TRRAP: variants seen among roughly 807,000 people sequenced by gnomAD.
The protein encoded by TRRAP is transformation/transcription domain-associated protein.
A neutral mutation model predicts 438.8 loss-of-function variants in TRRAP; 41 were observed. The observed-to-expected ratio is 0.09, with a 90% CI of 0.07 to 0.12. TRRAP has a LOEUF of 0.12. Among genes scored for constraint, TRRAP ranks in the 10% least tolerant of loss-of-function variants. TRRAP has a pLI of 1.00. For synonymous variants in TRRAP, 1,994 were observed against 1,962.9 expected (o/e 1.02, Z -0.42); for missense variants, 3,122 against 5,055.1 (o/e 0.62, Z 11.60).
At chr7:98,894,201 A>G (rs782783607) in intron 6 of TRRAP, among the ~76,000 whole-genome samples, 10 of 152,220 alleles carry the variant, frequency 6.6e-5, no homozygotes, top group Admixed American at 6.5e-4. Flanking sequence ...CTGAAGCCAG[A>G]GCCGGGTTTG....
chr7:98,965,982 C>G, intron 49 of TRRAP, 87 bp downstream of exon 49: 1 of 1,479,576 alleles, frequency 6.8e-7, no homozygotes, highest in South Asian at 1.2e-5. Context: ...AAACTTGAAG[C>G]AAAACATTTT....
chr7:99,011,721 T>C lies in TRRAP; in HGVS notation c.11337+186T>C, dbSNP rs549172004. On this transcript the variant is annotated intron_variant, in intron 72 of 72. Transcript: ENST00000456197. This position sits in a 1 kb window ranked among gnomAD's most constrained non-coding sequence, Gnocchi z 7.1. ...TGGTTTTCTCTTTGGTTCACTCTTG[T>C]CTGTAGTGCTTGGAACGGGCCTGCC... is the stretch of plus-strand genomic sequence containing the variant. Among the ~76,000 whole-genome samples, 88 of 152,396 alleles carry C rather than the reference T, an allele frequency of 5.8e-4. No individual in the cohort carries two copies. The highest frequency in any genetic ancestry group is 7.9e-4 in the Non-Finnish European group (54 of 68,044).
At chr7:98,927,966 C>T (rs553682021) in intron 23 of TRRAP, among the ~76,000 whole-genome samples, 15 of 152,272 alleles carry the variant, frequency 9.9e-5, no homozygotes, top group South Asian at 2.1e-4. Context: ...TGGCCAGGCA[C>T]GGTGGCTCAC....
At chr7:98,965,996 C>T (rs1792135435) in intron 49 of TRRAP, 101 bp downstream of exon 49, 3 of 1,357,266 alleles carry the variant, frequency 2.2e-6, no homozygotes, top group Non-Finnish European at 3.1e-6. Context: ...ACATTTTTTT[C>T]TGCTGTAATT....
chr7:99,011,137 A>G lies in TRRAP; in HGVS notation c.11024A>G (p.Asn3675Ser), dbSNP rs772899911. 7 of 1,613,946 alleles carry G rather than the reference A, an allele frequency of 4.3e-6. No individual in the cohort carries two copies. The highest frequency in any genetic ancestry group is 2.7e-5 in the African/African-American group (2 of 74,886). The change falls in exon 71 of 73, where the codon AAT becomes AGT. Residue 3675 changes from asparagine (N) to serine (S), a missense_variant. By Grantham distance (46) the Asn-to-Ser change is conservative (BLOSUM62 1). Coordinates refer to ENST00000456197, the MANE Select transcript of TRRAP (RefSeq NM_001375524.1). The surrounding 1 kb of genome is among the most constrained non-coding windows in gnomAD (Gnocchi z 7.1). ...GAGTGGGCGCTGCACACCTTCCCCA[A>G]TGCCACGGACTACTGGACGTTCCGG... The part of the protein sequence containing the change: ...LKEWALHTFP[N>S]ATDYWTFRKM...
At chr7:98,980,670 A>ACATGTTCCCT (rs1792876956) in intron 58 of TRRAP, among the ~76,000 whole-genome samples, 1 of 152,212 alleles carries the variant, frequency 6.6e-6, no homozygotes, top group Admixed American at 6.5e-5. Context: ...TAAAATTTGC[A>ACATGTTCCCT]CATGTTCCCT....
intron 47 of TRRAP, among the ~76,000 whole-genome samples, chr7:98,963,669 A>G (rs1792025798): frequency 1.3e-5 from 2 of 152,318 alleles, no homozygotes; most frequent in Middle Eastern, 3.4e-3. Context: ...CTGGGTTACA[A>G]CCAGACTGGT....
rs1554419655 is a variant in TRRAP, at chr7:98,956,105, A to G, written c.5938-41A>G. 6.8e-7 allele frequency: 1 copy of G among 1,478,862 alleles called. No individual in the cohort carries two copies. The highest frequency in any genetic ancestry group is 8.9e-7 in the Non-Finnish European group (1 of 1,118,024). 91.6% of individuals were successfully genotyped at this position (1,478,862 alleles called of 1,614,324 possible). ...CACACGTGCATGCACTGTGGGACCAAGCTCCCATGTTCCGGCGTGATGCTG... is the reference window on the plus strand; with the variant it reads ...CACACGTGCATGCACTGTGGGACCAGGCTCCCATGTTCCGGCGTGATGCTG... On this transcript the variant is annotated intron_variant, in intron 41 of 72. Transcript: ENST00000456197. This position sits in a 1 kb window ranked among gnomAD's most constrained non-coding sequence, Gnocchi z 4.5.
rs1166839877 is a variant in TRRAP at position 98,910,340 on chromosome 7, C to G, written c.1635C>G (p.Asp545Glu). The part of the protein sequence containing the change: ...KEDKQTFQVT[D>E]CRSLVKTLVC... The stretch of plus-strand genomic sequence containing the variant: ...ACAAGCAGACATTCCAAGTCACAGA[C>G]TGTCGAAGTTTGGTCAAAACCTTGG... Residue 545 changes from aspartate (D) to glutamate (E), a missense_variant, in exon 15 of 73, where the codon GAC (aspartate) becomes GAG (glutamate). Asp to Glu is a conservative substitution (Grantham distance 45, BLOSUM62 2). Around this residue, in one of 24 missense-constraint regions of TRRAP, gnomAD observed 115 missense variants for 124.6 expected, o/e 0.92. Transcript: ENST00000456197. 6.2e-7 allele frequency: 1 copy of G among 1,610,640 alleles called. No homozygotes were observed. The highest frequency in any genetic ancestry group is 8.5e-7 in the Non-Finnish European group (1 of 1,179,780).
At chr7:98,959,765 G>C (rs1193365629) in intron 45 of TRRAP, among the ~76,000 whole-genome samples, 1 of 151,904 alleles carries the variant, frequency 6.6e-6, no homozygotes, top group Non-Finnish European at 1.5e-5. Context: ...TTCTACAAAA[G>C]AGAAGACAGA....
At chr7:98,946,549 C>T (rs573943869) in intron 33 of TRRAP, among the ~76,000 whole-genome samples, 26 of 151,042 alleles carry the variant, frequency 1.7e-4, no homozygotes, top group Non-Finnish European at 3.2e-4. Flanking sequence ...CATGCACTCA[C>T]ACCACACATG....
At chr7:98,974,885 A>T (rs972527920) in intron 53 of TRRAP, among the ~76,000 whole-genome samples, 2 of 151,866 alleles carry the variant, frequency 1.3e-5, no homozygotes, top group African/African-American at 4.8e-5. Context: ...TGTGATGATG[A>T]TTTTTTCAGG....
chr7:98,902,424 A>C (rs1190952113), intron 11 of TRRAP, among the ~76,000 whole-genome samples: 5 of 152,244 alleles, frequency 3.3e-5, no homozygotes, highest in Admixed American at 3.3e-4. Context: ...GATCTATATC[A>C]ATGGAATTGG....
intron 19 of TRRAP, 34 bp downstream of exon 19, chr7:98,915,922 T>C (rs1305213096): frequency 1.9e-6 from 3 of 1,612,266 alleles, no homozygotes; most frequent in African/African-American, 2.7e-5. Context: ...CTTTTAGTCT[T>C]GTGTGTCATG....
intron 59 of TRRAP, among the ~76,000 whole-genome samples, 199 bp from the exon 60 acceptor site, chr7:98,983,065 A>G (rs920690793): frequency 3.3e-5 from 5 of 152,210 alleles, no homozygotes; most frequent in East Asian, 3.9e-4. Flanking sequence ...TGGAGACACC[A>G]TAAGGAAAGT....
chr7:98,983,983 C>A, intron 60 of TRRAP, 110 bp from the exon 61 acceptor site: 2 of 1,358,712 alleles, frequency 1.5e-6, no homozygotes, highest in Admixed American at 2.8e-5. Context: ...CAGAGCTGCC[C>A]ATTTTCATAA....
rs1554420269 is a variant in TRRAP at position 98,958,024 on chromosome 7, T to C, written c.6275T>C (p.Leu2092Pro). 6.2e-7 allele frequency: 1 copy of C among 1,614,184 alleles called. No homozygotes were observed. Among genetic ancestry groups the C allele is most frequent in the Admixed American group, 1.7e-5 (1 of 60,028 alleles). Residue 2092 changes from leucine (L) to proline (P), a missense_variant, in exon 44 of 73, where the codon CTC becomes CCC. Around this residue, in one of 24 missense-constraint regions of TRRAP, gnomAD observed 992 missense variants for 1,281.2 expected, o/e 0.77. Coordinates refer to ENST00000456197, the MANE Select transcript of TRRAP (RefSeq NM_001375524.1). ...SQSLPGADSL[L>P]AKPIDKQHTD... ...TCGCTACCTGGAGCAGACTCTCTCC[T>C]CGCCAAGCCCATTGACAAGCAGCAC... is the stretch of plus-strand genomic sequence containing the variant.
chr7:98,878,907 T>C (rs544650682), intron 1 of TRRAP, among the ~76,000 whole-genome samples: 2 of 151,998 alleles, frequency 1.3e-5, no homozygotes, highest in Non-Finnish European at 2.9e-5. Context: ...TGGGACGCGG[T>C]CACGGAGCGC....
In TRRAP at chr7:98,955,011, G is replaced by T. The variant is rs1554419218; in HGVS notation, c.5731-87G>T. On this transcript the variant is annotated intron_variant, in intron 40 of 72. Coordinates refer to ENST00000456197, the MANE Select transcript of TRRAP (RefSeq NM_001375524.1). ...GTTTTTAAAAAATTGTTTTGGAAAA[G>T]TAGCATGTCTTGACACCAAGGGATT... 2.9e-6 allele frequency: 4 copies of T among 1,384,232 alleles called. No homozygotes were observed. The African/African-American group carries it at 5.8e-5, about 20-fold the overall frequency. The allele number at this position is 1,384,232 out of a possible 1,614,324, so 85.7% of individuals were successfully genotyped here.
Sources: gnomAD v4.1 joint callset for allele counts (sites outside exome capture counted in the v4.1 genomes callset) on GRCh38, gnomAD v4.1.1 for gene constraint, gnomAD v4.1.1 regional missense constraint, Gnocchi (gnomAD v3.1) non-coding constraint, MANE v1.5 for transcripts, NCBI Gene and HGNC (gene_info 2026-07-23, HGNC 2026-07-21) for gene names.